The following TEX29 variants were observed in gnomAD, a reference collection of about 807,000 sequenced individuals.
TEX29 encodes the protein testis expressed 29, also known as testis-expressed protein 29.
TEX29 carries 26 observed loss-of-function variants against 18.2 expected under a neutral mutation model. That is an observed-to-expected ratio of 1.43 (90% CI 1.04 to 1.98). The LOEUF is 1.98. Among genes scored for constraint, TEX29 ranks in the 30% most tolerant of loss-of-function variants. The pLI, the probability that TEX29 is intolerant of heterozygous loss-of-function variation, is 0.00. For missense variants in TEX29, 177 were observed against 194.2 expected (o/e 0.91, Z 0.53); for synonymous variants, 83 against 78.5 (o/e 1.06, Z -0.31).
At chr13:111,328,996 C>T (rs372352537) in intron 3 of TEX29, among the ~76,000 whole-genome samples, 1 of 152,206 alleles carries the variant, frequency 6.6e-6, no homozygotes, top group East Asian at 1.9e-4. Context: ...GGATGGCCTG[C>T]GCGTGAAGGG....
chr13:111,320,107 G>A (rs962442619), upstream of TEX29, among the ~76,000 whole-genome samples: 25 of 152,068 alleles, frequency 1.6e-4, no homozygotes, highest in Admixed American at 1.0e-3. Flanking sequence ...ATGCTCCCTC[G>A]TCAGCCCCAG....
Position 111,328,298 on chromosome 13 carries a change from G to C in TEX29, c.169+5G>C. The C allele has an allele frequency of 2.5e-6, 4 of 1,609,720 alleles. No homozygotes were observed. Among genetic ancestry groups the C allele is most frequent in the Non-Finnish European group, 3.4e-6 (4 of 1,176,976 alleles). On this transcript the variant is annotated splice_donor_5th_base_variant and intron_variant, in intron 3 of 5. Coordinates refer to ENST00000283547, the MANE Select transcript of TEX29 (RefSeq NM_152324.3). ...GCTACAAGAAAGCGGTTCCCAGTGA[G>C]TAGACGCCCCGGCCACCCCGTGGCG...
In TEX29 at chr13:111,342,947, A is replaced by G. The variant is rs2093699056; in HGVS notation, c.415+16A>G. 6.2e-7 allele frequency: 1 copy of G among 1,612,372 alleles called. No homozygotes were observed. Among genetic ancestry groups the G allele is most frequent in the African/African-American group, 1.3e-5 (1 of 75,010 alleles). ...AAGGATGATGGTGAGAAGCTTCTGGAATGATCCTCAGCCTAAGGTCAAGGG... is the reference window on the plus strand; with the variant it reads ...AAGGATGATGGTGAGAAGCTTCTGGGATGATCCTCAGCCTAAGGTCAAGGG... On this transcript the variant is annotated intron_variant, in intron 5 of 5. Coordinates refer to ENST00000283547, the MANE Select transcript of TEX29 (RefSeq NM_152324.3).
chr13:111,342,705 A>T (rs1303432962), intron 4 of TEX29, 51 bp from the exon 5 acceptor site: 1 of 1,577,062 alleles, frequency 6.3e-7, no homozygotes, highest in African/African-American at 1.4e-5. Context: ...GGAACTGGAG[A>T]GTTTTCCATC....
intron 3 of TEX29, among the ~76,000 whole-genome samples, chr13:111,333,960 TA>T (rs955412676): frequency 2.0e-5 from 3 of 152,222 alleles, no homozygotes; most frequent in Non-Finnish European, 2.9e-5. Flanking sequence ...ATCATATCAA[TA>T]AAATATTTTC....
Position 111,342,880 on chromosome 13 carries a change from G to A in TEX29, c.364G>A (p.Gly122Arg). The change falls in exon 5 of 6, where the codon GGG becomes AGG. Residue 122 changes from glycine (G) to arginine (R), a missense_variant. Coordinates refer to ENST00000283547, the MANE Select transcript of TEX29 (RefSeq NM_152324.3). ...SKLGLKPASP[G>R]PPSAGPSMKS... ...GTTAGGGCTGAAGCCTGCGAGTCCT[G>A]GGCCTCCAAGTGCTGGGCCCTCGAT... is the stretch of plus-strand genomic sequence containing the variant. The A allele has an allele frequency of 1.2e-6, 2 of 1,614,158 alleles. No individual in the cohort carries two copies. The highest frequency in any genetic ancestry group is 1.7e-6 in the Non-Finnish European group (2 of 1,180,026).
At chr13:111,320,797 G>GC in intron 1 of TEX29, 35 bp downstream of exon 1, 1 of 1,528,588 alleles carries the variant, frequency 6.5e-7, no homozygotes, top group Non-Finnish European at 9.1e-7. Context: ...GGTGTGAGCC[G>GC]CCCGCTCCCC....
chr13:111,328,814 A>T (rs2093678300), intron 3 of TEX29, among the ~76,000 whole-genome samples: 1 of 152,166 alleles, frequency 6.6e-6, no homozygotes, highest in African/African-American at 2.4e-5. Flanking sequence ...AAGCCCCTCA[A>T]GCAGCACGGG....
At chr13:111,328,638 A>G (rs2093677944) in intron 3 of TEX29, among the ~76,000 whole-genome samples, 1 of 152,104 alleles carries the variant, frequency 6.6e-6, no homozygotes, top group Non-Finnish European at 1.5e-5. Context: ...CTGCAGAAAC[A>G]TGGGGCGCCG....
upstream of TEX29, among the ~76,000 whole-genome samples, chr13:111,317,133 G>A (rs142056086): frequency 4.3e-4 from 66 of 152,058 alleles, no homozygotes; most frequent in Non-Finnish European, 1.9e-4. Flanking sequence ...TTTAATTAAC[G>A]TATTTTATTC....
chr13:111,321,993 T>A (rs770184390), intron 2 of TEX29, among the ~76,000 whole-genome samples: 3 of 152,340 alleles, frequency 2.0e-5, no homozygotes, highest in Middle Eastern at 3.4e-3. Flanking sequence ...GTTACCTTTG[T>A]TGGGAAGGTA....
intron 2 of TEX29, among the ~76,000 whole-genome samples, chr13:111,322,100 G>A (rs1007317852): frequency 6.6e-6 from 1 of 152,228 alleles, no homozygotes; most frequent in Non-Finnish European, 1.5e-5. Flanking sequence ...AGCGGGACAG[G>A]GCGGCCCAGG....
At chr13:111,325,160 CT>C (rs2093670753) in intron 2 of TEX29, among the ~76,000 whole-genome samples, 1 of 152,228 alleles carries the variant, frequency 6.6e-6, no homozygotes, top group Non-Finnish European at 1.5e-5. Flanking sequence ...TAACCCCAGT[CT>C]CGTTTCAGTA....
chr13:111,316,226 C>T, upstream of TEX29: 1 of 506,432 alleles, frequency 2.0e-6, no homozygotes, highest in Admixed American at 2.0e-5. Context: ...AGCCATCTGT[C>T]AAGGAAGACA....
intron 2 of TEX29, among the ~76,000 whole-genome samples, chr13:111,321,512 G>A (rs189927156): frequency 2.6e-5 from 4 of 152,266 alleles, no homozygotes; most frequent in East Asian, 1.9e-4. Context: ...CACCTCCCCC[G>A]GGAGGCAGGA....
intron 3 of TEX29, among the ~76,000 whole-genome samples, chr13:111,337,070 G>T (rs900473275): frequency 1.3e-5 from 2 of 152,136 alleles, no homozygotes; most frequent in Admixed American, 1.3e-4. Context: ...TTACCTTCTT[G>T]CCTCATGAAC....
intron 3 of TEX29, 67 bp from the exon 4 acceptor site, chr13:111,339,794 CCT>C: frequency 6.5e-7 from 1 of 1,549,278 alleles, no homozygotes; most frequent in East Asian, 2.2e-5. Flanking sequence ...GGGAGGGTTG[CCT>C]TTTCTTCATC....
At chr13:111,321,156 A>C (rs947387846) in intron 2 of TEX29, among the ~76,000 whole-genome samples, 1 of 152,196 alleles carries the variant, frequency 6.6e-6, no homozygotes, top group Non-Finnish European at 1.5e-5. Context: ...TACAAAATAC[A>C]CCCGAACCTG....
chr13:111,325,991 G>A lies in TEX29; in HGVS notation c.59-2192G>A, dbSNP rs572705888. Among the ~76,000 whole-genome samples the A allele has an allele frequency of 2.0e-5, 3 of 152,342 alleles. No individual in the cohort carries two copies. In the South Asian group the frequency reaches 6.2e-4, roughly 32 times the overall value. ...TGAGCAGATGCCTCTGTGCTGCTGG[G>A]GCTTCTCCTCCCGTGTCTGGGGACG... On this transcript the variant is annotated intron_variant, in intron 2 of 5. Coordinates refer to ENST00000283547, the MANE Select transcript of TEX29 (RefSeq NM_152324.3).
Sources: allele counts gnomAD v4.1 joint callset (sites outside exome capture counted in the v4.1 genomes callset), GRCh38; gene constraint gnomAD v4.1.1; transcripts MANE v1.5; gene names NCBI Gene and HGNC (gene_info 2026-07-23, HGNC 2026-07-21).